Variants in ABCC8 observed in about 807,000 individuals in gnomAD.
The protein encoded by ABCC8 is ATP binding cassette subfamily C member 8.
In ABCC8, 137 loss-of-function variants were observed where a neutral mutation model predicts 188.0. The ratio of observed to expected loss-of-function variants is 0.73; its 90% CI spans 0.63 to 0.84. The LOEUF (loss-of-function observed/expected upper bound fraction) is 0.84, where lower values mean the gene tolerates loss of function less well. ABCC8 is among the 40% of genes least tolerant of loss of function. The probability of loss-of-function intolerance (pLI) is 0.00; values close to 1 mark genes in which losing one functional copy is unlikely to be tolerated. For synonymous variants in ABCC8, 797 were observed against 846.5 expected, an observed-to-expected ratio of 0.94 and a Z score of 1.01; for missense variants, 1,750 against 2,072.7, an observed-to-expected ratio of 0.84 and a Z score of 3.02.
rs763028380 is a variant in ABCC8, at chr11:17,453,271, C to T, written c.1024G>A (p.Gly342Arg). ...DVFQPKTQFL[G>R]VYFVSSQEFL... is the part of the protein sequence containing the mutation. ...TCTTGGGATGAGACAAAGTAAACCC[C>T]GAGAAATTGTGTCTGTTGGAAAGAG... is the stretch of plus-strand genomic sequence containing the variant. Residue 342 changes from glycine to arginine, a missense_variant, in exon 7 of 39, where the codon GGG becomes AGG. Coordinates refer to ENST00000389817, the MANE Select transcript of ABCC8 (RefSeq NM_000352.6). The T allele has an allele frequency of 6.8e-6, 11 of 1,613,900 alleles. No homozygotes were observed. The African/African-American group carries it at 8.0e-5, about 12-fold the overall frequency.
At position 17,423,262 on chromosome 11, in the gene ABCC8, C is replaced by T. The variant is rs1040209013; in HGVS notation, c.2222+3787G>A. Among the ~76,000 whole-genome samples, 7 of 143,836 alleles carry T rather than the reference C, an allele frequency of 4.9e-5. No homozygotes were observed. The Admixed American group carries it at 5.3e-4, about 11-fold the overall frequency. 94.4% of individuals were successfully genotyped at this position (143,836 alleles called of 152,430 possible). A position where few individuals can be genotyped will look rare whatever the true frequency, so the allele number is the denominator to read the frequency against. On this transcript the variant is annotated intron_variant, in intron 16 of 38. Coordinates refer to ENST00000389817, the MANE Select transcript of ABCC8 (RefSeq NM_000352.6). ...GTCCCAGCTACTTGGGAGGCTGAAG[C>T]AGGAGAATCGCTTGAACCTAGGAGG... is the stretch of plus-strand genomic sequence containing the variant.
At chr11:17,474,791 G>T in intron 2 of ABCC8, 95 bp downstream of exon 2, 1 of 1,352,890 alleles carries the variant, frequency 7.4e-7, no homozygotes, top group Non-Finnish European at 1.1e-6. Flanking sequence ...AAAGACATGG[G>T]CTTGTGGAAT....
intron 3 of ABCC8, among the ~76,000 whole-genome samples, chr11:17,469,094 C>A (rs1848338430): frequency 7.6e-6 from 1 of 131,508 alleles, no homozygotes; most frequent in South Asian, 2.8e-4. Flanking sequence ...TCCTTCCTTC[C>A]TTCCTTCCTT....
Position 17,398,530 on chromosome 11 carries a change from GC to G in ABCC8, c.3651-90del, listed in dbSNP as rs1160735537. The G allele has an allele frequency of 2.5e-6, 4 of 1,578,598 alleles. No homozygotes were observed. In the East Asian group the frequency reaches 9.1e-5, roughly 36 times the overall value. On this transcript the variant is annotated intron_variant, in intron 29 of 38. Coordinates refer to ENST00000389817, the MANE Select transcript of ABCC8 (RefSeq NM_000352.6). ...CCTACCTGCAGAGGGAGGCTCCAGG[GC>G]CCCTCCAGTCCCCAGACATGCCACC...
chr11:17,395,244 C>A lies in ABCC8; in HGVS notation c.4339G>T (p.Asp1447Tyr), dbSNP rs1454561346. The A allele has an allele frequency of 6.3e-7, 1 of 1,598,270 alleles. No individual in the cohort carries two copies. Among genetic ancestry groups the A allele is most frequent in the Non-Finnish European group, 8.5e-7 (1 of 1,171,234 alleles). ...TCCAGGGCCTCCCACAGTGTGCTAT[C>A]TGAGCACTTCCTCTCAGGGTCCAGG... The part of the protein sequence containing the change: ...FNLDPERKCS[D>Y]STLWEALEIA... The change falls in exon 36 of 39, where the codon GAT (aspartate) becomes TAT (tyrosine). Residue 1447 changes from aspartate (D) to tyrosine (Y), a missense_variant. Physicochemically the swap from Asp to Tyr is radical, Grantham distance 160. Transcript: ENST00000389817.
intron 33 of ABCC8, chr11:17,396,212 A>G: frequency 3.4e-6 from 2 of 591,870 alleles, no homozygotes; most frequent in Non-Finnish European, 5.7e-6. Flanking sequence ...GCTGAAGGAG[A>G]GCTGGGGGGC....
intron 33 of ABCC8, chr11:17,396,227 G>T: frequency 1.9e-6 from 1 of 539,952 alleles, no homozygotes; most frequent in Non-Finnish European, 3.3e-6. Context: ...GGGGGCAGTG[G>T]TGTGTCTCTA....
intron 10 of ABCC8, 148 bp downstream of exon 10, chr11:17,442,572 T>C (rs1169236090): frequency 1.3e-6 from 1 of 790,264 alleles, no homozygotes; most frequent in Non-Finnish European, 2.2e-6. Context: ...AGCTTAGCTA[T>C]CAGAGCCAGT....
At chr11:17,394,072 G>A (rs1191804242) in intron 37 of ABCC8, among the ~76,000 whole-genome samples, 194 bp downstream of exon 37, 1 of 152,184 alleles carries the variant, frequency 6.6e-6, no homozygotes, top group African/African-American at 2.4e-5. Flanking sequence ...GTTTTTGTGT[G>A]TGCGTGTGTG....
intron 21 of ABCC8, among the ~76,000 whole-genome samples, chr11:17,412,261 G>C (rs1954847075): frequency 6.6e-6 from 1 of 152,218 alleles, no homozygotes; most frequent in African/African-American, 2.4e-5. Context: ...CTGAGGATGA[G>C]TTAAGTTCCA....
chr11:17,467,398 C>T (rs1848230692), intron 3 of ABCC8, among the ~76,000 whole-genome samples: 1 of 152,170 alleles, frequency 6.6e-6, no homozygotes, highest in East Asian at 1.9e-4. Context: ...AGCCTGGGCA[C>T]AAGCAAACAA....
chr11:17,443,300 C>A lies in ABCC8; in HGVS notation c.1345G>T (p.Val449Leu). Residue 449 changes from valine to leucine, a missense_variant, in exon 9 of 39, where the codon GTG becomes TTG. Coordinates refer to ENST00000389817, the MANE Select transcript of ABCC8 (RefSeq NM_000352.6). The part of the protein sequence containing the change: ...WAMPVQIIVG[V>L]ILLYYILGVS... ...CCGAGTATGTAGTAGAGGAGAATCA[C>A]ACCCACAATGATCTGAGGAAGGGGT... 1 of 1,614,124 alleles carries A rather than the reference C, an allele frequency of 6.2e-7. No individual in the cohort carries two copies. Among genetic ancestry groups the A allele is most frequent in the East Asian group, 2.2e-5 (1 of 44,870 alleles).
chr11:17,410,296 C>T (rs1954747695), intron 22 of ABCC8: 1 of 554,140 alleles, frequency 1.8e-6, no homozygotes, highest in Non-Finnish European at 3.2e-6. Flanking sequence ...GGGGCCCGGG[C>T]CAGGATGGGG....
intron 8 of ABCC8, among the ~76,000 whole-genome samples, chr11:17,447,393 G>T (rs561658303): frequency 1.3e-5 from 2 of 152,198 alleles, no homozygotes; most frequent in Admixed American, 1.3e-4. Flanking sequence ...ACCAAAGGTT[G>T]TCTTGCTTTA....
At position 17,476,686 on chromosome 11, in the gene ABCC8, G is replaced by A. The variant is rs780968014; in HGVS notation, c.91C>T (p.Leu31Phe). Residue 31 changes from leucine (L) to phenylalanine (F), a missense_variant, in exon 1 of 39, where the codon CTC (leucine) becomes TTC (phenylalanine). Transcript: ENST00000389817. ...VLNNGCFVDA[L>F]NVVPHVFLLF... ...AGGAAGACGTGCGGCACCACGTTGA[G>A]CGCGTCCACAAAGCAGCCGTTGTTG... The A allele has an allele frequency of 3.7e-6, 6 of 1,611,996 alleles. No homozygotes were observed. The highest frequency in any genetic ancestry group is 1.7e-5 in the Admixed American group (1 of 59,928).
At chr11:17,430,545 T>C in intron 12 of ABCC8, 3 of 476,474 alleles carry the variant, frequency 6.3e-6, no homozygotes, top group East Asian at 7.7e-5. Context: ...GGCTCAACAC[T>C]GGTTTTTTTT....
At chr11:17,400,552 T>C (rs7935408) in intron 29 of ABCC8, among the ~76,000 whole-genome samples, 61,824 of 151,892 alleles carry the variant, frequency 0.41, 16,222 homozygotes, top group African/African-American at 0.74. Context: ...TCAGTTTTCT[T>C]ATGAAAAAAA....
intron 11 of ABCC8, 172 bp from the exon 12 acceptor site, chr11:17,431,131 TC>T (rs1955829657): frequency 8.9e-7 from 1 of 1,121,372 alleles, no homozygotes; most frequent in South Asian, 1.5e-5. Flanking sequence ...CATGGAAACG[TC>T]CCCAACAAGT....
intron 6 of ABCC8, 27 bp from the exon 7 acceptor site, chr11:17,453,310 A>G: frequency 6.2e-6 from 10 of 1,613,500 alleles, no homozygotes; most frequent in East Asian, 2.2e-5. Flanking sequence ...TTCAGAGGTG[A>G]CTGTCATTGC....
Sources: allele counts gnomAD v4.1 joint callset (sites outside exome capture counted in the v4.1 genomes callset), GRCh38; gene constraint gnomAD v4.1.1; transcripts MANE v1.5; gene names NCBI Gene and HGNC (gene_info 2026-07-23, HGNC 2026-07-21).